PTPRB: variants seen among roughly 807,000 people sequenced by gnomAD.
The protein encoded by PTPRB is receptor-type tyrosine-protein phosphatase beta.
PTPRB carries 97 observed loss-of-function variants against 238.1 expected under a neutral mutation model. The observed-to-expected ratio is 0.41, with a 90% CI of 0.35 to 0.48. PTPRB has a LOEUF of 0.48. PTPRB is among the 20% of genes least tolerant of loss of function. PTPRB has a pLI of 0.30. For synonymous variants in PTPRB, 970 were observed against 995.4 expected (o/e 0.97, Z 0.48); for missense variants, 2,292 against 2,681.9 (o/e 0.85, Z 3.21).
chr12:70,570,572 C>G (rs1472583138), intron 13 of PTPRB, among the ~76,000 whole-genome samples: 1 of 152,124 alleles, frequency 6.6e-6, no homozygotes, highest in Non-Finnish European at 1.5e-5. Context: ...TGTGCTTGAA[C>G]TCCTGGGCTC....
chr12:70,613,211 A>G (rs186613817), intron 3 of PTPRB, among the ~76,000 whole-genome samples: 42 of 152,106 alleles, frequency 2.8e-4, no homozygotes, highest in African/African-American at 9.2e-4. Context: ...CCACACTCCC[A>G]TCACCCATGA....
chr12:70,532,116 C>T lies in PTPRB; in HGVS notation c.6423G>A (p.Gln2141=). ...TFIALDRILQ[Q]LDSKDSVDIY... ...TGTCCACAGAGTCTTTGGAGTCTAA[C>T]TGCTGGAGGATTCGGTCCAATGCAA... Residue 2141 remains glutamine (Q), a synonymous_variant, in exon 32 of 34, where the codon CAG becomes CAA. Transcript: ENST00000334414. The T allele has an allele frequency of 6.2e-7, 1 of 1,613,924 alleles. No individual in the cohort carries two copies. The highest frequency in any genetic ancestry group is 8.5e-7 in the Non-Finnish European group (1 of 1,179,858).
At chr12:70,567,083 T>G (rs1592494753) in intron 14 of PTPRB, among the ~76,000 whole-genome samples, 1 of 152,346 alleles carries the variant, frequency 6.6e-6, no homozygotes, top group East Asian at 1.9e-4. Context: ...TTGTTTAGAC[T>G]TTTATTACTA....
In PTPRB at chr12:70,532,055, C is replaced by T. The variant is rs1873336098; in HGVS notation, c.6484G>A (p.Val2162Ile). The T allele has an allele frequency of 6.2e-7, 1 of 1,613,806 alleles. No homozygotes were observed. The highest frequency in any genetic ancestry group is 8.5e-7 in the Non-Finnish European group (1 of 1,179,874). ...GAVHDLRLHRVHMVQTECQYV... is the reference protein window; with the variant it reads ...GAVHDLRLHRIHMVQTECQYV... The stretch of plus-strand genomic sequence containing the variant: ...CTTACCTCAGTCTGGACCATGTGAA[C>T]CCTGTGAAGTCTTAGGTCGTGCACT... Residue 2162 changes from valine to isoleucine, a missense_variant, in exon 32 of 34, where the codon GTT becomes ATT. Physicochemically the swap from Val to Ile is conservative, Grantham distance 29. Transcript: ENST00000334414.
rs766419918 is a variant in PTPRB, at chr12:70,567,098, T to C, written c.3635-394A>G. ...TTGTTTAGACTTTTATTACTAACAT[T>C]AACTAAGGTCAAAACTTCAAGACTT... On this transcript the variant is annotated intron_variant, in intron 14 of 33. Coordinates refer to ENST00000334414, the MANE Select transcript of PTPRB (RefSeq NM_001109754.4). Among the ~76,000 whole-genome samples, 56 of 152,200 alleles carry C rather than the reference T, an allele frequency of 3.7e-4. 1 individual carries two copies. The highest frequency in any genetic ancestry group is 9.2e-4 in the Admixed American group (14 of 15,274).
chr12:70,527,821 C>G (rs1426913058), intron 32 of PTPRB: 3 of 152,156 alleles, frequency 2.0e-5, no homozygotes. Context: ...CTGAAATAGT[C>G]ACCCACAGGG....
At chr12:70,534,025 A>T (rs1873702204) in intron 31 of PTPRB, among the ~76,000 whole-genome samples, 1 of 152,240 alleles carries the variant, frequency 6.6e-6, no homozygotes, top group Non-Finnish European at 1.5e-5. Flanking sequence ...ATAAATCTTG[A>T]AGGATAGGTA....
intron 4 of PTPRB, among the ~76,000 whole-genome samples, chr12:70,597,378 A>G (rs1462622475): frequency 6.6e-6 from 1 of 152,190 alleles, no homozygotes; most frequent in Non-Finnish European, 1.5e-5. Flanking sequence ...TGCTTTGCCT[A>G]TGTTGAATCT....
chr12:70,624,022 TAATAA>T (rs1885063021), intron 2 of PTPRB, among the ~76,000 whole-genome samples: 1 of 152,200 alleles, frequency 6.6e-6, no homozygotes, highest in South Asian at 2.1e-4. Flanking sequence ...TTCTGAAAGT[TAATAA>T]AATAATCTTG....
chr12:70,609,916 C>T, intron 3 of PTPRB: 1 of 1,107,844 alleles, frequency 9.0e-7, no homozygotes, highest in Admixed American at 3.4e-5. Flanking sequence ...TCAGCGCGCC[C>T]CGTGGGCGCA....
intron 18 of PTPRB, 112 bp downstream of exon 18, chr12:70,559,231 G>T: frequency 8.4e-7 from 1 of 1,193,436 alleles, no homozygotes; most frequent in Non-Finnish European, 1.2e-6. Context: ...TTCAAATCCA[G>T]ACCAATCCCA....
rs776345826 is a variant in PTPRB, at chr12:70,559,435, C to T, written c.4622G>A (p.Arg1541His). The stretch of plus-strand genomic sequence containing the variant: ...GTTGAATTGATAGGATCTCCCTGGA[C>T]GAAGACCATACACAATGCGTCCTTC... ...KSEGRIVYGL[R>H]PGRSYQFNVK... Residue 1541 changes from arginine to histidine, a missense_variant, in exon 18 of 34, where the codon CGT becomes CAT. By Grantham distance (29) the Arg-to-His change is conservative. Coordinates refer to ENST00000334414, the MANE Select transcript of PTPRB (RefSeq NM_001109754.4). 3.7e-5 allele frequency: 60 copies of T among 1,613,846 alleles called. No homozygotes were observed. The highest frequency in any genetic ancestry group is 1.3e-4 in the Admixed American group (8 of 60,002).
intron 4 of PTPRB, among the ~76,000 whole-genome samples, chr12:70,605,822 G>C (rs1208444084): frequency 6.6e-6 from 1 of 152,078 alleles, no homozygotes; most frequent in Non-Finnish European, 1.5e-5. Context: ...TAGACACCTA[G>C]CTATCTCTAG....
rs1277737345 is a variant in PTPRB at position 70,518,834 on chromosome 12, G to C, written c.*2655C>G. On this transcript the variant is annotated 3_prime_UTR_variant, in exon 34 of 34. Transcript: ENST00000334414. ...GATGGGACTCTCCCAAGATTTGATA[G>C]CTCAAAAGCACTTTGAAGTCTTGAT... The C allele has an allele frequency of 6.6e-6, 1 of 151,942 alleles. No homozygotes were observed. The highest frequency in any genetic ancestry group is 6.6e-5 in the Admixed American group (1 of 15,252). The allele number at this position is 151,942 out of a possible 1,614,324, so 9.4% of individuals were successfully genotyped here. A position where few individuals can be genotyped will look rare whatever the true frequency, so the allele number is the denominator to read the frequency against.
At chr12:70,598,539 A>G (rs1565996875) in intron 4 of PTPRB, among the ~76,000 whole-genome samples, 2 of 149,736 alleles carry the variant, frequency 1.3e-5, no homozygotes, top group Non-Finnish European at 3.0e-5. Flanking sequence ...TCTGGGGAGT[A>G]TAATAATAAT....
In PTPRB at chr12:70,523,236, C is replaced by G. The variant is rs407078; in HGVS notation, c.6625+1235G>C. ...GTGGCACAATTACAGCTCACTGTAG[C>G]CTTCAACTCCTGGGCTCAAGTGATT... On this transcript the variant is annotated intron_variant, in intron 33 of 33. Coordinates refer to ENST00000334414, the MANE Select transcript of PTPRB (RefSeq NM_001109754.4). Among the ~76,000 whole-genome samples the G allele has an allele frequency of 7.1e-3, 1,077 of 152,120 alleles. 13 individuals carry two copies. The highest frequency in any genetic ancestry group is 0.024 in the African/African-American group (1,015 of 41,498).
At chr12:70,620,516 T>G (rs972997279) in intron 3 of PTPRB, among the ~76,000 whole-genome samples, 1 of 152,120 alleles carries the variant, frequency 6.6e-6, no homozygotes, top group Non-Finnish European at 1.5e-5. Flanking sequence ...ACACACTTAA[T>G]TTTTTTTCTC....
intron 10 of PTPRB, among the ~76,000 whole-genome samples, chr12:70,578,725 A>G (rs1881054649): frequency 6.6e-6 from 1 of 152,230 alleles, no homozygotes; most frequent in African/African-American, 2.4e-5. Flanking sequence ...AGACTAGACT[A>G]TTTTAGTAGC....
chr12:70,519,174 A>G lies in PTPRB; in HGVS notation c.*2315T>C, dbSNP rs1871418988. ...ATTTTTCCCTGTCATGTCCATTTAC[A>G]TAATTCTGATACTACCCTAGATGTT... On this transcript the variant is annotated 3_prime_UTR_variant, in exon 34 of 34. Coordinates refer to ENST00000334414, the MANE Select transcript of PTPRB (RefSeq NM_001109754.4). 6.6e-6 allele frequency: 1 copy of G among 152,204 alleles called. No individual in the cohort carries two copies. Among genetic ancestry groups the G allele is most frequent in the African/African-American group, 2.4e-5 (1 of 41,452 alleles). 9.4% of individuals were successfully genotyped at this position (152,204 alleles called of 1,614,324 possible).
Sources: allele counts gnomAD v4.1 joint callset (sites outside exome capture counted in the v4.1 genomes callset), GRCh38; gene constraint gnomAD v4.1.1; transcripts MANE v1.5; gene names NCBI Gene and HGNC (gene_info 2026-07-23, HGNC 2026-07-21).